The following CCDC33 variants were observed in gnomAD, a reference collection of about 807,000 sequenced individuals.
The protein encoded by CCDC33 is coiled-coil domain containing 33.
In CCDC33, 94 loss-of-function variants were observed where a neutral mutation model predicts 91.9. That is an observed-to-expected ratio of 1.02 (90% CI 0.87 to 1.21). The LOEUF (loss-of-function observed/expected upper bound fraction) is 1.21, where lower values mean the gene tolerates loss of function less well. Among genes scored for constraint, CCDC33 ranks in the 50% most tolerant of loss-of-function variants. The pLI is 0.00. For missense variants in CCDC33, 940 were observed against 935.5 expected, an observed-to-expected ratio of 1.00 and a Z score of -0.06; for synonymous variants, 396 against 374.5, an observed-to-expected ratio of 1.06 and a Z score of -0.66.
At chr15:74,257,635 G>C (rs1037153242) in intron 2 of CCDC33, among the ~76,000 whole-genome samples, 1 of 152,172 alleles carries the variant, frequency 6.6e-6, no homozygotes, top group Non-Finnish European at 1.5e-5. Context: ...CCCATGCTCC[G>C]AAGTCAGCAC....
chr15:74,312,888 A>G (rs532643454), intron 11 of CCDC33, among the ~76,000 whole-genome samples: 2 of 152,232 alleles, frequency 1.3e-5, no homozygotes, highest in African/African-American at 4.8e-5. Flanking sequence ...GGACCCTAGC[A>G]AAACCTTCTG....
intron 11 of CCDC33, among the ~76,000 whole-genome samples, chr15:74,321,679 C>T (rs2060210080): frequency 6.6e-6 from 1 of 152,120 alleles, no homozygotes; most frequent in African/African-American, 2.4e-5. Context: ...GGATTACAGG[C>T]GTGAACCACC....
At chr15:74,206,930 T>C (rs1256949803) in intron 1 of CCDC33, among the ~76,000 whole-genome samples, 1 of 152,178 alleles carries the variant, frequency 6.6e-6, no homozygotes, top group Non-Finnish European at 1.5e-5. Flanking sequence ...TGGGCACAGA[T>C]TGGCGGGTGG....
At chr15:74,290,686 A>G (rs1303360327) in intron 10 of CCDC33, among the ~76,000 whole-genome samples, 1 of 152,222 alleles carries the variant, frequency 6.6e-6, no homozygotes, top group Non-Finnish European at 1.5e-5. Context: ...TCTGGAGCAC[A>G]TGACATATGA....
chr15:74,307,203 A>C (rs1440767940), intron 11 of CCDC33, among the ~76,000 whole-genome samples: 2 of 152,164 alleles, frequency 1.3e-5, no homozygotes, highest in East Asian at 3.8e-4. Context: ...TGGACTATAG[A>C]ACCAGGAGCG....
intron 2 of CCDC33, chr15:74,221,161 G>C (rs889425395): frequency 1.0e-6 from 1 of 955,520 alleles, no homozygotes; most frequent in Non-Finnish European, 1.2e-6. Context: ...ATTCAATTCA[G>C]AACTTGGTTG....
At chr15:74,208,953 A>T (rs1241798683) in intron 1 of CCDC33, 1 of 1,001,978 alleles carries the variant, frequency 1.0e-6, no homozygotes, top group African/African-American at 1.7e-5. Context: ...GGGATCCTAG[A>T]GGGGTGGCTG....
At chr15:74,285,748 G>A (rs142683865) in intron 10 of CCDC33, among the ~76,000 whole-genome samples, 1 of 152,102 alleles carries the variant, frequency 6.6e-6, no homozygotes, top group South Asian at 2.1e-4. Context: ...TTCACCCTCT[G>A]GTAGGACTTC....
downstream of CCDC33, chr15:74,336,202 C>T (rs542031753): frequency 4.2e-6 from 6 of 1,440,398 alleles, no homozygotes; most frequent in South Asian, 8.5e-5. Flanking sequence ...TCCTAGACCT[C>T]ACTCTGGGCC....
intron 10 of CCDC33, among the ~76,000 whole-genome samples, chr15:74,289,214 G>A (rs373173390): frequency 2.0e-5 from 3 of 152,152 alleles, no homozygotes; most frequent in Admixed American, 1.3e-4. Context: ...ATTTGGTCTC[G>A]CTGCAATTTT....
chr15:74,288,526 A>T (rs143117224), intron 10 of CCDC33, among the ~76,000 whole-genome samples: 1 of 152,188 alleles, frequency 6.6e-6, no homozygotes, highest in African/African-American at 2.4e-5. Flanking sequence ...TTTAGTATTT[A>T]TCAAAGCAGT....
chr15:74,317,865 G>A (rs1295947479), intron 11 of CCDC33, among the ~76,000 whole-genome samples: 1 of 149,354 alleles, frequency 6.7e-6, no homozygotes, highest in African/African-American at 2.5e-5. Context: ...TTTCTAGGTG[G>A]CGGGCTGGCT....
upstream of CCDC33, among the ~76,000 whole-genome samples, chr15:74,215,032 A>T (rs1028100036): frequency 6.6e-6 from 1 of 152,222 alleles, no homozygotes; most frequent in Non-Finnish European, 1.5e-5. Flanking sequence ...TGTGTGGGCA[A>T]GTCATCATTT....
intron 11 of CCDC33, among the ~76,000 whole-genome samples, chr15:74,310,577 T>G (rs994371128): frequency 6.7e-6 from 1 of 149,746 alleles, no homozygotes; most frequent in African/African-American, 2.5e-5. Context: ...TGAGACCGAC[T>G]CTGAGGGGCC....
chr15:74,251,748 GAGCTC>G (rs1278521901), intron 2 of CCDC33, among the ~76,000 whole-genome samples: 1 of 152,094 alleles, frequency 6.6e-6, no homozygotes, highest in African/African-American at 2.4e-5. Flanking sequence ...ATTGTAGACT[GAGCTC>G]AGCCCTGACC....
chr15:74,333,373 A>C, intron 16 of CCDC33: 1 of 1,393,516 alleles, frequency 7.2e-7, no homozygotes, highest in Middle Eastern at 1.8e-4. Context: ...ACCTCTGAAG[A>C]TGCTTCAGGG....
At chr15:74,203,818 G>C (rs1034899518) in intron 1 of CCDC33, among the ~76,000 whole-genome samples, 1 of 152,108 alleles carries the variant, frequency 6.6e-6, no homozygotes, top group African/African-American at 2.4e-5. Context: ...TTGGGGATGG[G>C]GGGAGATTCC....
intron 2 of CCDC33, among the ~76,000 whole-genome samples, chr15:74,261,524 G>A (rs28567532): frequency 0.018 from 2,750 of 152,278 alleles, 42 homozygotes; most frequent in Middle Eastern, 0.051. Context: ...CCATTAGTGC[G>A]TCTTGCCTCC....
chr15:74,301,971 G>C (rs1287424142), intron 11 of CCDC33: 2 of 151,842 alleles, frequency 1.3e-5, no homozygotes, highest in Non-Finnish European at 2.9e-5. Flanking sequence ...AGACCAGAGG[G>C]CCCTCATACC....
Sources: allele counts gnomAD v4.1 joint callset (sites outside exome capture counted in the v4.1 genomes callset), GRCh38; gene constraint gnomAD v4.1.1; transcripts MANE v1.5; gene names NCBI Gene and HGNC (gene_info 2026-07-23, HGNC 2026-07-21).